The following GLIS3 variants were observed in gnomAD, a reference collection of about 807,000 sequenced individuals.
GLIS3 encodes GLIS family zinc finger 3, also known as zinc finger protein GLIS3.
A neutral mutation model predicts 78.6 loss-of-function variants in GLIS3; 53 were observed. The ratio of observed to expected loss-of-function variants is 0.67; its 90% CI spans 0.54 to 0.85. GLIS3 has a LOEUF of 0.85. Among genes scored for constraint, GLIS3 ranks in the 40% least tolerant of loss-of-function variants. GLIS3 has a pLI of 0.00. For missense variants in GLIS3, 1,703 were observed against 1,231.1 expected (o/e 1.38, Z -5.74); for synonymous variants, 684 against 509.9 (o/e 1.34, Z -4.60).
chr9:4,080,792 A>G (rs1828493046), intron 4 of GLIS3, among the ~76,000 whole-genome samples: 1 of 152,180 alleles, frequency 6.6e-6, no homozygotes, highest in African/African-American at 2.4e-5. Flanking sequence ...AAAGAAAGAT[A>G]AAGTGAGGGG....
the GLIS3 span, among the ~76,000 whole-genome samples, chr9:4,433,436 A>T: frequency 6.6e-6 from 1 of 152,180 alleles, no homozygotes; most frequent in Non-Finnish European, 1.5e-5. Flanking sequence ...TGTCTCAGAA[A>T]ATAAAATATA....
chr9:4,404,903 G>A, the GLIS3 span, among the ~76,000 whole-genome samples: 11 of 151,978 alleles, frequency 7.2e-5, no homozygotes, highest in African/African-American at 2.4e-4. Context: ...AAATGAAGAA[G>A]ACAATACAAA....
chr9:4,301,696 G>C (rs186251529), upstream of GLIS3, among the ~76,000 whole-genome samples: 335 of 152,262 alleles, frequency 2.2e-3, no homozygotes, highest in African/African-American at 7.7e-3. Flanking sequence ...CAATGGTTTT[G>C]ATGCATAGAA....
the GLIS3 span, among the ~76,000 whole-genome samples, chr9:4,468,501 A>T: frequency 3.3e-5 from 5 of 152,180 alleles, no homozygotes; most frequent in African/African-American, 1.2e-4. Flanking sequence ...AAAGAAAAGA[A>T]TTTTCAACCC....
At chr9:4,171,757 T>C (rs1471425271) in intron 2 of GLIS3, among the ~76,000 whole-genome samples, 1 of 152,186 alleles carries the variant, frequency 6.6e-6, no homozygotes, top group Admixed American at 6.5e-5. Context: ...TCTACAGTGG[T>C]TAGGCATTGC....
chr9:3,959,873 C>T (rs764594086), intron 4 of GLIS3, among the ~76,000 whole-genome samples: 10 of 152,056 alleles, frequency 6.6e-5, no homozygotes, highest in African/African-American at 9.7e-5. Context: ...AAATTTGGGC[C>T]GGGAGCCTTG....
chr9:3,848,926 C>T (rs575260359), intron 9 of GLIS3, among the ~76,000 whole-genome samples: 3 of 152,208 alleles, frequency 2.0e-5, no homozygotes, highest in South Asian at 2.1e-4. Flanking sequence ...AGCCTGCAGG[C>T]AGGGCATGCT....
chr9:4,223,867 G>A (rs1272061176), intron 2 of GLIS3, among the ~76,000 whole-genome samples: 1 of 152,090 alleles, frequency 6.6e-6, no homozygotes, highest in Non-Finnish European at 1.5e-5. Context: ...TTCTACATGT[G>A]AAGACCTGTT....
chr9:4,293,127 G>A (rs2130406794), intron 1 of GLIS3, among the ~76,000 whole-genome samples: 1 of 152,254 alleles, frequency 6.6e-6, no homozygotes, highest in Non-Finnish European at 1.5e-5. Flanking sequence ...TGTGGCAAAT[G>A]AAAAGAGCAT....
intron 4 of GLIS3, among the ~76,000 whole-genome samples, chr9:3,974,413 G>A (rs972331589): frequency 2.6e-5 from 4 of 152,152 alleles, no homozygotes; most frequent in African/African-American, 9.7e-5. Flanking sequence ...CTTGTCCACA[G>A]ATATAAAAAG....
chr9:4,343,677 C>T (rs980407848), intron 2 of GLIS3, among the ~76,000 whole-genome samples: 20 of 152,196 alleles, frequency 1.3e-4, no homozygotes, highest in Non-Finnish European at 2.5e-4. Flanking sequence ...TGCCCACCAA[C>T]GGTGGACCGG....
chr9:4,403,566 G>C, the GLIS3 span, among the ~76,000 whole-genome samples: 1 of 152,030 alleles, frequency 6.6e-6, no homozygotes, highest in Admixed American at 6.6e-5. Context: ...AAAAAGCAGG[G>C]GAACAAAGTT....
intron 2 of GLIS3, among the ~76,000 whole-genome samples, chr9:4,282,786 C>T (rs541408989): frequency 3.9e-5 from 6 of 152,038 alleles, no homozygotes; most frequent in Non-Finnish European, 8.8e-5. Flanking sequence ...GATATGTATC[C>T]TATTTGTCTA....
intron 2 of GLIS3, among the ~76,000 whole-genome samples, chr9:4,321,409 T>A (rs189149859): frequency 0.011 from 714 of 65,368 alleles, 40 homozygotes; most frequent in Admixed American, 0.1. Flanking sequence ...GCCACAGAGC[T>A]AGACTCCGTC....
the GLIS3 span, among the ~76,000 whole-genome samples, chr9:4,380,676 T>A: frequency 6.6e-6 from 1 of 152,208 alleles, no homozygotes; most frequent in African/African-American, 2.4e-5. Context: ...CAAGTAGTTC[T>A]TTGAGAATAC....
intron 2 of GLIS3, among the ~76,000 whole-genome samples, chr9:4,159,317 C>T (rs1375701949): frequency 1.3e-5 from 2 of 152,126 alleles, no homozygotes; most frequent in East Asian, 3.9e-4. Context: ...TTGTCTTGGC[C>T]CTTTCTTTCA....
chr9:4,157,905 A>C (rs560529379), intron 2 of GLIS3, among the ~76,000 whole-genome samples: 2 of 152,158 alleles, frequency 1.3e-5, no homozygotes, highest in Non-Finnish European at 2.9e-5. Flanking sequence ...AATATCAATA[A>C]ATTTTATCCT....
intron 2 of GLIS3, among the ~76,000 whole-genome samples, chr9:4,343,390 G>A (rs1250260040): frequency 6.6e-6 from 1 of 152,126 alleles, no homozygotes; most frequent in African/African-American, 2.4e-5. Context: ...CAGTCAGAAT[G>A]GCTATTATAA....
chr9:4,089,892 T>A (rs912334012), intron 4 of GLIS3, among the ~76,000 whole-genome samples: 2 of 152,168 alleles, frequency 1.3e-5, no homozygotes, highest in African/African-American at 4.8e-5. Flanking sequence ...AAGGGAAAAA[T>A]CCACATTTCC....
Sources: gnomAD v4.1 joint callset for allele counts (sites outside exome capture counted in the v4.1 genomes callset) on GRCh38, gnomAD v4.1.1 for gene constraint, MANE v1.5 for transcripts, NCBI Gene and HGNC (gene_info 2026-07-23, HGNC 2026-07-21) for gene names.